Variants in OLA1 observed in about 807,000 individuals in gnomAD.
OLA1 encodes the protein Obg like ATPase 1.
A neutral mutation model predicts 48.4 loss-of-function variants in OLA1; 14 were observed. That is an observed-to-expected ratio of 0.29 (90% confidence interval 0.19 to 0.45). The LOEUF (loss-of-function observed/expected upper bound fraction) is 0.45, where lower values mean the gene tolerates loss of function less well. Ranked by LOEUF, OLA1 falls within the 20% of genes least tolerant of loss-of-function variation. The pLI, the probability that OLA1 is intolerant of heterozygous loss-of-function variation, is 1.00. For missense variants in OLA1, 325 were observed against 467.1 expected (o/e 0.70, Z 2.80); for synonymous variants, 127 against 150.4 (o/e 0.84, Z 1.14).
chr2:174,122,798 C>G (rs1367218946), intron 7 of OLA1, among the ~76,000 whole-genome samples: 1 of 151,502 alleles, frequency 6.6e-6, no homozygotes, highest in Non-Finnish European at 1.5e-5. Flanking sequence ...CAGCTACAAC[C>G]CCAGGTGGGT....
intron 2 of OLA1, among the ~76,000 whole-genome samples, chr2:174,246,049 C>A (rs1689119932): frequency 6.6e-6 from 1 of 152,078 alleles, no homozygotes; most frequent in African/African-American, 2.4e-5. Context: ...CCTGTAATCC[C>A]AGCACTATAA....
intron 7 of OLA1, among the ~76,000 whole-genome samples, chr2:174,095,701 T>C (rs929177520): frequency 6.6e-6 from 1 of 151,944 alleles, no homozygotes; most frequent in Non-Finnish European, 1.5e-5. Flanking sequence ...AAGTAAAAAG[T>C]TTATGTAACA....
intron 5 of OLA1, among the ~76,000 whole-genome samples, chr2:174,137,905 T>A (rs761900773): frequency 2.6e-5 from 4 of 152,224 alleles, no homozygotes; most frequent in African/African-American, 9.6e-5. Context: ...TACACACCTA[T>A]AATCCCAGCT....
At chr2:174,221,390 G>C (rs1163642565) in intron 4 of OLA1, among the ~76,000 whole-genome samples, 1 of 152,088 alleles carries the variant, frequency 6.6e-6, no homozygotes, top group East Asian at 1.9e-4. Context: ...CTCCAGCCTG[G>C]AAAATTTTAA....
rs1240012130 is a variant in OLA1, at chr2:174,223,020, C to T, written c.373+13G>A. ...TGAATGAAATCAATGATTAAATAAA[C>T]AACTGTACTTACGTGTTAGATGAAA... On this transcript the variant is annotated intron_variant, in intron 4 of 10. Coordinates refer to ENST00000284719, the MANE Select transcript of OLA1 (RefSeq NM_013341.5). The T allele has an allele frequency of 1.9e-6, 3 of 1,600,710 alleles. No homozygotes were observed. Among genetic ancestry groups the T allele is most frequent in the Non-Finnish European group, 2.6e-6 (3 of 1,174,178 alleles).
intron 5 of OLA1, among the ~76,000 whole-genome samples, chr2:174,140,285 A>G (rs945724896): frequency 6.6e-6 from 1 of 152,138 alleles, no homozygotes; most frequent in Non-Finnish European, 1.5e-5. Flanking sequence ...AGAACTTAAG[A>G]AATATATTTC....
intron 4 of OLA1, among the ~76,000 whole-genome samples, chr2:174,184,505 AGAG>A (rs1164857508): frequency 1.3e-5 from 2 of 152,236 alleles, no homozygotes; most frequent in Non-Finnish European, 2.9e-5. Flanking sequence ...TCAGGAGAAC[AGAG>A]AAGACTAAGG....
chr2:174,241,422 A>G (rs992122252), intron 2 of OLA1, among the ~76,000 whole-genome samples: 2 of 152,154 alleles, frequency 1.3e-5, no homozygotes, highest in African/African-American at 4.8e-5. Flanking sequence ...CATTTTCTAC[A>G]ACCTTTTCCC....
chr2:174,163,477 C>T (rs1315818834), intron 4 of OLA1, among the ~76,000 whole-genome samples: 3 of 151,648 alleles, frequency 2.0e-5, no homozygotes, highest in Non-Finnish European at 4.4e-5. Context: ...CACCTGAGGT[C>T]AGGAGTTAGA....
Position 174,135,225 on chromosome 2 carries a change from G to A in OLA1, c.549+6600C>T, listed in dbSNP as rs570454901. Among the ~76,000 whole-genome samples, 11 of 149,386 alleles carry A rather than the reference G, an allele frequency of 7.4e-5. No homozygotes were observed. In the East Asian group the frequency reaches 2.0e-3, roughly 27 times the overall value. Reference sequence around the variant, plus strand: ...CCAAACAGGTAAAGTTCTGGTAAATGACCTCATGTAAAATCAGTACGTTTA... The same window carrying A: ...CCAAACAGGTAAAGTTCTGGTAAATAACCTCATGTAAAATCAGTACGTTTA... On this transcript the variant is annotated intron_variant, in intron 5 of 10. Transcript: ENST00000284719.
rs772015748 is a variant in OLA1, at chr2:174,078,985, A to T, written c.1072T>A (p.Ser358Thr). 9.4e-6 allele frequency: 15 copies of T among 1,603,108 alleles called. No homozygotes were observed. Among genetic ancestry groups the T allele is most frequent in the Non-Finnish European group, 1.1e-5 (13 of 1,175,916 alleles). The change falls in exon 10 of 11, where the codon TCT becomes ACT. Residue 358 changes from serine (S) to threonine (T), a missense_variant. By Grantham distance (58) the Ser-to-Thr change is moderately conservative. Coordinates refer to ENST00000284719, the MANE Select transcript of OLA1 (RefSeq NM_013341.5). ...MKYEDFKEEG[S>T]ENAVKAAGKY... ...TTCTTTACCTTGACTGCATTTTCAG[A>T]ACCTTCCTCTTTAAAATCTTCGTAT...
chr2:174,107,945 T>C (rs1685552062), intron 7 of OLA1, among the ~76,000 whole-genome samples: 1 of 152,104 alleles, frequency 6.6e-6, no homozygotes, highest in Non-Finnish European at 1.5e-5. Context: ...GCTTAAAATA[T>C]GCTCTCTAAA....
intron 4 of OLA1, among the ~76,000 whole-genome samples, chr2:174,180,928 G>A (rs913961195): frequency 2.0e-5 from 3 of 152,142 alleles, no homozygotes; most frequent in Admixed American, 1.3e-4. Flanking sequence ...CTTTGACTCA[G>A]TACTTTTAGG....
chr2:174,166,937 C>T (rs1302851441), intron 4 of OLA1, among the ~76,000 whole-genome samples: 1 of 152,086 alleles, frequency 6.6e-6, no homozygotes, highest in Admixed American at 6.5e-5. Context: ...CCTATAACCC[C>T]CGTTTAGTTA....
At chr2:174,083,277 A>G (rs917214448) in intron 7 of OLA1, among the ~76,000 whole-genome samples, 18 of 152,160 alleles carry the variant, frequency 1.2e-4, no homozygotes, top group East Asian at 7.7e-4. Flanking sequence ...GGGGAAAAGA[A>G]AAACAAGAAC....
intron 4 of OLA1, among the ~76,000 whole-genome samples, chr2:174,205,618 G>A (rs1282736923): frequency 6.6e-6 from 1 of 152,170 alleles, no homozygotes; most frequent in Admixed American, 6.5e-5. Flanking sequence ...CTAAATCTCT[G>A]CTGGTTCAAT....
intron 10 of OLA1, 103 bp from the exon 11 acceptor site, chr2:174,075,630 T>C (rs1363758035): frequency 2.9e-6 from 2 of 683,308 alleles, no homozygotes; most frequent in Non-Finnish European, 5.0e-6. Context: ...ACTTGGGTGA[T>C]ATAAAAAAAG....
intron 7 of OLA1, among the ~76,000 whole-genome samples, chr2:174,100,965 G>A (rs929930459): frequency 6.6e-6 from 1 of 152,120 alleles, no homozygotes; most frequent in African/African-American, 2.4e-5. Context: ...GAACTATCAT[G>A]AATAAGGCTG....
intron 4 of OLA1, among the ~76,000 whole-genome samples, chr2:174,186,206 A>T (rs1410204474): frequency 2.0e-5 from 3 of 152,252 alleles, no homozygotes; most frequent in Non-Finnish European, 4.4e-5. Context: ...CACAATAATA[A>T]TTCCAACAAG....
Sources: gnomAD v4.1 joint callset for allele counts (sites outside exome capture counted in the v4.1 genomes callset) on GRCh38, gnomAD v4.1.1 for gene constraint, MANE v1.5 for transcripts, NCBI Gene and HGNC (gene_info 2026-07-23, HGNC 2026-07-21) for gene names.